TMPRSS15: variants seen among roughly 807,000 people sequenced by gnomAD.
The protein encoded by TMPRSS15 is enteropeptidase.
TMPRSS15 carries 128 observed loss-of-function variants against 125.3 expected under a neutral mutation model. The ratio of observed to expected loss-of-function variants is 1.02; its 90% CI spans 0.89 to 1.18. TMPRSS15 has a LOEUF of 1.18. Among genes scored for constraint, TMPRSS15 ranks in the 50% most tolerant of loss-of-function variants. The probability of loss-of-function intolerance (pLI) is 0.00; values close to 1 mark genes in which losing one functional copy is unlikely to be tolerated. For missense variants in TMPRSS15, 1,283 were observed against 1,212.7 expected, an observed-to-expected ratio of 1.06 and a Z score of -0.86; for synonymous variants, 446 against 423.2, an observed-to-expected ratio of 1.05 and a Z score of -0.66.
At chr21:18,356,688 G>A (rs1202475074) in intron 8 of TMPRSS15, among the ~76,000 whole-genome samples, 2 of 151,692 alleles carry the variant, frequency 1.3e-5, no homozygotes, top group African/African-American at 2.4e-5. Context: ...GAATTAATGG[G>A]TACTTCTGAG....
chr21:18,307,785 A>G (rs1249795897), intron 18 of TMPRSS15, among the ~76,000 whole-genome samples: 1 of 152,192 alleles, frequency 6.6e-6, no homozygotes, highest in Non-Finnish European at 1.5e-5. Context: ...AACAGGTTTC[A>G]TTCAAATTAA....
intron 1 of TMPRSS15, among the ~76,000 whole-genome samples, chr21:18,412,222 A>G (rs1421386450): frequency 2.6e-5 from 4 of 152,204 alleles, no homozygotes; most frequent in Non-Finnish European, 5.9e-5. Context: ...TCAAAAGATT[A>G]TTTGATATTG....
intron 18 of TMPRSS15, among the ~76,000 whole-genome samples, chr21:18,303,562 G>C (rs1348973194): frequency 6.6e-6 from 1 of 152,122 alleles, no homozygotes; most frequent in Non-Finnish European, 1.5e-5. Flanking sequence ...AAGCTTCATA[G>C]GGCTGAGGTT....
intron 1 of TMPRSS15, among the ~76,000 whole-genome samples, chr21:18,412,650 T>C (rs1030378876): frequency 5.3e-5 from 8 of 152,190 alleles, no homozygotes; most frequent in African/African-American, 1.9e-4. Flanking sequence ...AGTGGCCAGG[T>C]ATGTAGTGTG....
At chr21:18,343,114 G>A (rs2075465490) in intron 12 of TMPRSS15, among the ~76,000 whole-genome samples, 1 of 152,152 alleles carries the variant, frequency 6.6e-6, no homozygotes, top group Non-Finnish European at 1.5e-5. Context: ...ATGCCTATGG[G>A]CATAGGCATA....
intron 1 of TMPRSS15, among the ~76,000 whole-genome samples, chr21:18,461,440 G>A (rs1358717985): frequency 6.6e-6 from 1 of 151,742 alleles, no homozygotes; most frequent in Admixed American, 6.6e-5. Flanking sequence ...AAAATCCCTA[G>A]TGTTTCAGTA....
intron 1 of TMPRSS15, among the ~76,000 whole-genome samples, chr21:18,441,651 C>A (rs1048058827): frequency 7.0e-5 from 10 of 143,356 alleles, no homozygotes; most frequent in Non-Finnish European, 1.2e-4. Context: ...AGATTGTCAA[C>A]TTTAGGACAC....
In TMPRSS15 at chr21:18,346,654, C is replaced by T. The variant is rs116031866; in HGVS notation, c.1172-2594G>A. 2.7e-3 allele frequency among the ~76,000 whole-genome samples: 410 copies of T among 152,304 alleles called. 2 individuals carry two copies. Among genetic ancestry groups the T allele is most frequent in the African/African-American group, 8.2e-3 (340 of 41,562 alleles). ...GGAAACTCACATTCACACAACATGT[C>T]TGTTGCGCTATCTCACCAGGGAGCA... On this transcript the variant is annotated intron_variant, in intron 10 of 24. Transcript: ENST00000284885.
At chr21:18,302,381 C>T (rs1303918482) in intron 18 of TMPRSS15, among the ~76,000 whole-genome samples, 5 of 152,124 alleles carry the variant, frequency 3.3e-5, no homozygotes, top group African/African-American at 1.2e-4. Context: ...AATCATCCCA[C>T]TAGGAAAGTA....
intron 21 of TMPRSS15, 66 bp from the exon 22 acceptor site, chr21:18,281,287 T>C (rs1350035198): frequency 7.7e-7 from 1 of 1,300,280 alleles, no homozygotes; most frequent in Non-Finnish European, 1.1e-6. Context: ...TAGAAGATCT[T>C]CATCATGACA....
chr21:18,278,924 G>GT (rs59972471), intron 23 of TMPRSS15, 40 bp downstream of exon 23: 32,385 of 435,862 alleles, frequency 0.074, 1,530 homozygotes, highest in East Asian at 0.12. Flanking sequence ...CACCAGTAAG[G>GT]TTTTTTTTTT....
At chr21:18,466,455 A>T (rs1978662603) in intron 1 of TMPRSS15, among the ~76,000 whole-genome samples, 1 of 152,098 alleles carries the variant, frequency 6.6e-6, no homozygotes, top group Non-Finnish European at 1.5e-5. Flanking sequence ...CAAAAAAAAA[A>T]CTACCGTCAG....
rs9979816 is a variant in TMPRSS15 at position 18,269,381 on chromosome 21, C to T, written c.*588G>A. On this transcript the variant is annotated 3_prime_UTR_variant, in exon 25 of 25. Coordinates refer to ENST00000284885, the MANE Select transcript of TMPRSS15 (RefSeq NM_002772.3). ...ATTTAATTAACTTATTTAAGAGGAA[C>T]GTAAAATCAATTTAGTCCAGGCCTG... 20,843 of 151,992 alleles carry T rather than the reference C, an allele frequency of 0.14. 1,494 individuals carry two copies. Among genetic ancestry groups the T allele is most frequent in the Middle Eastern group, 0.21 (62 of 292 alleles). 9.4% of individuals were successfully genotyped at this position (151,992 alleles called of 1,614,324 possible).
intron 24 of TMPRSS15, among the ~76,000 whole-genome samples, chr21:18,270,374 T>A (rs7282779): frequency 2.2e-4 from 33 of 152,204 alleles, no homozygotes; most frequent in Admixed American, 9.2e-4. Context: ...TAAAAGTTTC[T>A]CCACTTTAAT....
chr21:18,424,172 T>C (rs1200406339), intron 1 of TMPRSS15, among the ~76,000 whole-genome samples: 1 of 152,230 alleles, frequency 6.6e-6, no homozygotes, highest in Admixed American at 6.5e-5. Context: ...TCTGAGGTCC[T>C]ACATTTATTC....
chr21:18,285,932 T>G lies in TMPRSS15; in HGVS notation c.2487-4711A>C, dbSNP rs181174042. ...TGAGTAAGGACAAGAGTTTCATATA[T>G]GTGAATATTTTTATTTAATTTTAAG... On this transcript the variant is annotated intron_variant, in intron 21 of 24. Transcript: ENST00000284885. 9.8e-5 allele frequency among the ~76,000 whole-genome samples: 15 copies of G among 152,336 alleles called. No homozygotes were observed. In the East Asian group the frequency reaches 1.5e-3, roughly 16 times the overall value.
At chr21:18,438,745 A>G (rs1049560044) in intron 1 of TMPRSS15, among the ~76,000 whole-genome samples, 6 of 152,226 alleles carry the variant, frequency 3.9e-5, no homozygotes, top group African/African-American at 1.4e-4. Context: ...ACAATAATCT[A>G]TTTTAATTAT....
intron 1 of TMPRSS15, among the ~76,000 whole-genome samples, chr21:18,471,215 A>G (rs912935995): frequency 2.6e-5 from 4 of 152,138 alleles, no homozygotes; most frequent in Non-Finnish European, 5.9e-5. Flanking sequence ...AACAACAACA[A>G]CAAAAACAAA....
intron 6 of TMPRSS15, among the ~76,000 whole-genome samples, chr21:18,371,746 A>G (rs1355988475): frequency 1.3e-5 from 2 of 152,118 alleles, no homozygotes; most frequent in Non-Finnish European, 2.9e-5. Context: ...AGGTACTGTT[A>G]AAATGTTGAA....
Sources: gnomAD v4.1 joint callset for allele counts (sites outside exome capture counted in the v4.1 genomes callset) on GRCh38, gnomAD v4.1.1 for gene constraint, MANE v1.5 for transcripts, NCBI Gene and HGNC (gene_info 2026-07-23, HGNC 2026-07-21) for gene names.